The following PLCH1 variants were observed in gnomAD, a reference collection of about 807,000 sequenced individuals.
PLCH1 encodes the protein phospholipase C eta 1, also known as 1-phosphatidylinositol 4,5-bisphosphate phosphodiesterase eta-1.
Under a neutral mutation model 126.7 loss-of-function variants are expected in PLCH1, and 60 were observed. The observed-to-expected ratio is 0.47, with a 90% CI of 0.38 to 0.59. The LOEUF is 0.59. PLCH1 is among the 20% of genes least tolerant of loss of function. The probability of loss-of-function intolerance (pLI) is 0.00; values close to 1 mark genes in which losing one functional copy is unlikely to be tolerated. For synonymous variants in PLCH1, 719 were observed against 734.9 expected, an observed-to-expected ratio of 0.98 and a Z score of 0.35; for missense variants, 1,723 against 2,040.0, an observed-to-expected ratio of 0.84 and a Z score of 2.99.
intron 6 of PLCH1, 55 bp downstream of exon 6, chr3:155,583,417 C>T: frequency 7.4e-7 from 1 of 1,354,630 alleles, no homozygotes; most frequent in Non-Finnish European, 1.0e-6. Flanking sequence ...AAAAGAAAGA[C>T]ATATCTTTCA....
At chr3:155,662,821 G>A (rs890367644) in intron 2 of PLCH1, among the ~76,000 whole-genome samples, 3 of 151,926 alleles carry the variant, frequency 2.0e-5, no homozygotes, top group Non-Finnish European at 2.9e-5. Flanking sequence ...CAACCACCAC[G>A]CCCGGCTACT....
In PLCH1 at chr3:155,614,202, T is replaced by A. The variant is rs145991976; in HGVS notation, c.80-17824A>T. The stretch of plus-strand genomic sequence containing the variant: ...GCTCATGGACAGGTAGAATCAATAT[T>A]GTGAAAATGACCATGCTGCCAAAAG... On this transcript the variant is annotated intron_variant, in intron 2 of 22. Transcript: ENST00000460012. 6.4e-3 allele frequency among the ~76,000 whole-genome samples: 981 copies of A among 152,200 alleles called. 11 individuals carry two copies. The highest frequency in any genetic ancestry group is 0.022 in the African/African-American group (916 of 41,526).
Position 155,481,997 on chromosome 3 carries a change from A to T in PLCH1, c.4029T>A (p.Cys1343Ter). 2 of 1,614,162 alleles carry T rather than the reference A, an allele frequency of 1.2e-6. No individual in the cohort carries two copies. Among genetic ancestry groups the T allele is most frequent in the Non-Finnish European group, 1.7e-6 (2 of 1,180,026 alleles). ...LEDVIADPTLCFNSGESSLVE... is the reference protein window; with the variant it reads ...LEDVIADPTL Reference sequence around the variant, plus strand: ...CAAGGCTGCTCTCCCCAGAATTGAAACAGAGAGTGGGATCAGCTATTACAT... The same window carrying T: ...CAAGGCTGCTCTCCCCAGAATTGAATCAGAGAGTGGGATCAGCTATTACAT... The change falls in exon 23 of 23, where the codon TGT becomes TGA. Residue 1343 changes from cysteine to a stop codon, truncating the protein, a stop_gained. Transcript: ENST00000460012. LOFTEE classifies it low-confidence loss of function (END_TRUNC). The surrounding 1 kb of genome is among the most constrained non-coding windows in gnomAD (Gnocchi z 4.2).
At chr3:155,543,829 AG>A (rs1436335627) in intron 10 of PLCH1, among the ~76,000 whole-genome samples, 210 of 151,556 alleles carry the variant, frequency 1.4e-3, no homozygotes, top group African/African-American at 4.9e-3. Context: ...TTTACAGACA[AG>A]CAAATGCTGA....
chr3:155,533,828 A>T (rs1722996052), intron 10 of PLCH1, among the ~76,000 whole-genome samples: 1 of 152,234 alleles, frequency 6.6e-6, no homozygotes, highest in Non-Finnish European at 1.5e-5. Context: ...AAAGGGGCCA[A>T]CATTCAGCTC....
At chr3:155,521,244 T>G (rs1721068952) in intron 11 of PLCH1, among the ~76,000 whole-genome samples, 1 of 152,182 alleles carries the variant, frequency 6.6e-6, no homozygotes, top group Non-Finnish European at 1.5e-5. Context: ...ACACTATATA[T>G]TTTACTTATT....
At chr3:155,463,359 T>C (rs1004743682) in intron 21 of PLCH1, among the ~76,000 whole-genome samples, 1 of 152,274 alleles carries the variant, frequency 6.6e-6, no homozygotes, top group Non-Finnish European at 1.5e-5. Flanking sequence ...CTCTACCAGG[T>C]GCTAAGTCTG....
At chr3:155,698,689 A>T (rs975779081) in intron 2 of PLCH1, among the ~76,000 whole-genome samples, 2 of 152,148 alleles carry the variant, frequency 1.3e-5, no homozygotes, top group African/African-American at 2.4e-5. Context: ...AAAGAGAACA[A>T]CTCACCCAGA....
intron 6 of PLCH1, among the ~76,000 whole-genome samples, chr3:155,577,815 TG>T (rs942941879): frequency 6.6e-6 from 1 of 152,198 alleles, no homozygotes; most frequent in African/African-American, 2.4e-5. Flanking sequence ...TCAAATGAAC[TG>T]GGGTAATTCC....
downstream of PLCH1, among the ~76,000 whole-genome samples, chr3:155,475,183 C>A (rs546236378): frequency 7.3e-5 from 11 of 151,418 alleles, no homozygotes; most frequent in East Asian, 2.1e-3. Context: ...TATACAAATA[C>A]ATGGAAATTA....
rs143107110 is a variant in PLCH1, at chr3:155,704,120, C to A, written c.79+26G>T. On this transcript the variant is annotated intron_variant, in intron 2 of 22. Coordinates refer to ENST00000460012, the MANE Select transcript of PLCH1 (RefSeq NM_014996.4). ...GTCAGAAACAAAATAAAAGATCCAA[C>A]TACATAAATACAAGAGACAGCTTAC... 4.4e-5 allele frequency: 46 copies of A among 1,053,108 alleles called. No homozygotes were observed. In the East Asian group the frequency reaches 8.7e-4, roughly 20 times the overall value. The allele number at this position is 1,053,108 out of a possible 1,614,324, so 65.2% of individuals were successfully genotyped here.
intron 2 of PLCH1, among the ~76,000 whole-genome samples, chr3:155,653,497 C>T (rs546688593): frequency 6.6e-6 from 1 of 152,312 alleles, no homozygotes; most frequent in East Asian, 1.9e-4. Context: ...TCCTTCACCC[C>T]GCATTCCCTT....
At chr3:155,565,261 A>G (rs942318002) in intron 7 of PLCH1, 143 bp from the exon 8 acceptor site, 7 of 619,172 alleles carry the variant, frequency 1.1e-5, no homozygotes, top group African/African-American at 1.8e-5. Context: ...AAACTGGAGC[A>G]ATGAGAGATT....
intron 1 of PLCH1, among the ~76,000 whole-genome samples, chr3:155,711,770 G>T (rs6789127): frequency 0.061 from 9,316 of 152,192 alleles, 670 homozygotes; most frequent in African/African-American, 0.17. Context: ...CACACGGCCT[G>T]TTTCAGATCA....
At chr3:155,629,533 CTAAT>C (rs1051532405) in intron 2 of PLCH1, among the ~76,000 whole-genome samples, 7 of 152,176 alleles carry the variant, frequency 4.6e-5, no homozygotes, top group Non-Finnish European at 1.0e-4. Context: ...CCAGCATCCC[CTAAT>C]TATTTAAAAT....
chr3:155,616,483 G>T (rs1024021059), intron 2 of PLCH1, among the ~76,000 whole-genome samples: 2 of 152,178 alleles, frequency 1.3e-5, no homozygotes, highest in Non-Finnish European at 2.9e-5. Context: ...TTCTCTTGGA[G>T]CATTGATCTG....
At chr3:155,579,383 T>C (rs1386797937) in intron 6 of PLCH1, among the ~76,000 whole-genome samples, 1 of 152,222 alleles carries the variant, frequency 6.6e-6, no homozygotes. Flanking sequence ...CATCCACATC[T>C]CATTTAATTC....
intron 1 of PLCH1, among the ~76,000 whole-genome samples, chr3:155,709,276 T>G (rs1462791884): frequency 4.6e-5 from 7 of 152,232 alleles, no homozygotes; most frequent in Non-Finnish European, 1.0e-4. Context: ...TATAAGTTTT[T>G]AACTCATTTG....
chr3:155,487,186 T>C (rs1715372989), intron 21 of PLCH1: 1 of 152,234 alleles, frequency 6.6e-6, no homozygotes, highest in African/African-American at 2.4e-5. Flanking sequence ...TTAGCCAACA[T>C]TTCTGAGCAT....
Sources: gnomAD v4.1 joint callset for allele counts (sites outside exome capture counted in the v4.1 genomes callset) on GRCh38, gnomAD v4.1.1 for gene constraint, Gnocchi (gnomAD v3.1) non-coding constraint, MANE v1.5 for transcripts, NCBI Gene and HGNC (gene_info 2026-07-23, HGNC 2026-07-21) for gene names.